TGFBI: variants seen among roughly 807,000 people sequenced by gnomAD.
The protein encoded by TGFBI is transforming growth factor beta induced.
A neutral mutation model predicts 73.7 loss-of-function variants in TGFBI; 50 were observed. The ratio of observed to expected loss-of-function variants is 0.68; its 90% CI spans 0.54 to 0.86. The LOEUF is 0.86. Ranked by LOEUF, TGFBI falls within the 40% of genes least tolerant of loss-of-function variation. TGFBI has a pLI of 0.00. For missense variants in TGFBI, 839 were observed against 877.0 expected (o/e 0.96, Z 0.55); for synonymous variants, 362 against 360.5 (o/e 1.00, Z -0.05).
chr5:136,049,879 T>C, intron 7 of TGFBI: 1 of 321,536 alleles, frequency 3.1e-6, no homozygotes. Context: ...AGTGAAAGGC[T>C]GGAATAGCCA....
chr5:136,061,203 G>A (rs1033432439), intron 14 of TGFBI: 46 of 574,086 alleles, frequency 8.0e-5, no homozygotes, highest in South Asian at 7.0e-4. Context: ...CTGTATTCGC[G>A]TGGATGCTGT....
intron 7 of TGFBI, among the ~76,000 whole-genome samples, chr5:136,051,258 C>T (rs1031017062): frequency 1.3e-5 from 2 of 151,906 alleles, no homozygotes; most frequent in South Asian, 2.1e-4. Flanking sequence ...GGTAAAACCC[C>T]GTCTCTACTA....
intron 13 of TGFBI, among the ~76,000 whole-genome samples, chr5:136,060,141 C>G (rs534990347): frequency 2.0e-4 from 29 of 148,096 alleles, no homozygotes; most frequent in Non-Finnish European, 3.6e-4. Flanking sequence ...CCATTTCCAG[C>G]TGTTCCACCT....
chr5:136,029,288 G>A (rs1751065529), intron 1 of TGFBI, 99 bp downstream of exon 1: 2 of 1,298,290 alleles, frequency 1.5e-6, no homozygotes, highest in South Asian at 1.8e-5. Flanking sequence ...GGGCGCAGGG[G>A]ACAAAGCCCG....
In TGFBI at chr5:136,046,510, G is replaced by T. The variant is rs369126704; in HGVS notation, c.459+15G>T. 49 of 1,591,958 alleles carry T rather than the reference G, an allele frequency of 3.1e-5. No homozygotes were observed. The African/African-American group carries it at 6.2e-4, about 20-fold the overall frequency. ...CCTTGCCAGCTGTGAGATGACCTCC[G>T]TCTGCCCGGGGGACTCTTATGGGGA... On this transcript the variant is annotated intron_variant, in intron 4 of 16. Transcript: ENST00000442011.
intron 1 of TGFBI, among the ~76,000 whole-genome samples, chr5:136,032,440 GT>G (rs1291384657): frequency 6.6e-6 from 1 of 152,204 alleles, no homozygotes; most frequent in African/African-American, 2.4e-5. Context: ...TTTGAGAATT[GT>G]TCAAGTTCCT....
chr5:136,029,639 C>T (rs1311759836), intron 1 of TGFBI, among the ~76,000 whole-genome samples: 1 of 152,234 alleles, frequency 6.6e-6, no homozygotes, highest in East Asian at 1.9e-4. Context: ...GGGCCACACA[C>T]GGTGGCAGCA....
Position 136,059,163 on chromosome 5 carries a change from G to T in TGFBI, c.1752G>T (p.Gly584=). The T allele has an allele frequency of 6.2e-7, 1 of 1,610,906 alleles. No homozygotes were observed. Among genetic ancestry groups the T allele is most frequent in the Non-Finnish European group, 8.5e-7 (1 of 1,178,956 alleles). ...AAATCCTGGTTAGCGGAGGCATCGG[G>T]GCCCTGGTGCGGCTAAAGTCTCTCC... ...GDEILVSGGI[G]ALVRLKSLQG... The change falls in exon 13 of 17, where the codon GGG becomes GGT. Residue 584 remains glycine (G), a synonymous_variant. Coordinates refer to ENST00000442011, the MANE Select transcript of TGFBI (RefSeq NM_000358.3).
chr5:136,048,947 G>A (rs1751484359), intron 6 of TGFBI: 1 of 152,732 alleles, frequency 6.5e-6, no homozygotes, highest in Non-Finnish European at 1.5e-5. Flanking sequence ...TAGAGAATGG[G>A]TGGTGTGATC....
chr5:136,055,839 G>T, intron 11 of TGFBI, 23 bp downstream of exon 11: 1 of 1,583,930 alleles, frequency 6.3e-7, no homozygotes, highest in Non-Finnish European at 8.6e-7. Context: ...ATCCCCGGGT[G>T]GAGCTTCTGC....
intron 3 of TGFBI, among the ~76,000 whole-genome samples, chr5:136,045,403 G>T (rs1045644453): frequency 2.0e-5 from 3 of 152,136 alleles, no homozygotes; most frequent in African/African-American, 7.2e-5. Flanking sequence ...AAATTAGCTG[G>T]GTGTGGTGGT....
chr5:136,055,962 G>T, intron 11 of TGFBI, 146 bp downstream of exon 11: 1 of 866,744 alleles, frequency 1.2e-6, no homozygotes, highest in Non-Finnish European at 1.6e-6. Context: ...CCAGACTTGG[G>T]ATGGGGAAAA....
Position 136,054,016 on chromosome 5 carries a change from C to T in TGFBI, c.1200C>T (p.Leu400=), listed in dbSNP as rs538237584. 46 of 1,613,926 alleles carry T rather than the reference C, an allele frequency of 2.9e-5. No homozygotes were observed. The Middle Eastern group carries it at 4.9e-4, about 17-fold the overall frequency. ...TAIDLFRQAG[L]GNHLSGSERL... is the part of the protein sequence containing the mutation. ...TTGACCTTTTCAGACAAGCCGGCCT[C>T]GGCAATCATCTCTCTGGAAGTGAGC... Residue 400 remains leucine, a synonymous_variant, in exon 9 of 17, where the codon CTC becomes CTT. Coordinates refer to ENST00000442011, the MANE Select transcript of TGFBI (RefSeq NM_000358.3).
intron 1 of TGFBI, among the ~76,000 whole-genome samples, chr5:136,033,492 A>C (rs1751158739): frequency 6.6e-6 from 1 of 152,216 alleles, no homozygotes; most frequent in Non-Finnish European, 1.5e-5. Context: ...TCAATTGCCC[A>C]TGTCAAAGAA....
At chr5:136,055,520 TG>T in intron 10 of TGFBI, 159 bp from the exon 11 acceptor site, 1 of 615,292 alleles carries the variant, frequency 1.6e-6, no homozygotes, top group Non-Finnish European at 2.4e-6. Context: ...TTTTATTTCC[TG>T]GAGAAAATAC....
intron 2 of TGFBI, among the ~76,000 whole-genome samples, chr5:136,043,281 C>A (rs1259424375): frequency 6.6e-6 from 1 of 152,164 alleles, no homozygotes; most frequent in East Asian, 1.9e-4. Context: ...TTTTAGCCGT[C>A]CCCAGAATAT....
At chr5:136,049,219 G>A in intron 6 of TGFBI, 1 of 531,044 alleles carries the variant, frequency 1.9e-6, no homozygotes, top group Non-Finnish European at 3.3e-6. Flanking sequence ...GGAAAGGCAG[G>A]TTAAGGACAT....
rs767561993 is a variant in TGFBI, at chr5:136,062,647, T to C, written c.1987-16T>C. The C allele has an allele frequency of 1.5e-5, 24 of 1,560,528 alleles. No individual in the cohort carries two copies. Among genetic ancestry groups the C allele is most frequent in the African/African-American group, 2.7e-5 (2 of 73,714 alleles). ...AACTTTCACTAGAAAACCTGACACCTTGTGTTTTCTTTCAGGCTTCCCAGA... is the reference window on the plus strand; with the variant it reads ...AACTTTCACTAGAAAACCTGACACCCTGTGTTTTCTTTCAGGCTTCCCAGA... On this transcript the variant is annotated splice_polypyrimidine_tract_variant and intron_variant, in intron 15 of 16. Transcript: ENST00000442011.
chr5:136,030,980 G>GT (rs1000989962), intron 1 of TGFBI, among the ~76,000 whole-genome samples: 2 of 152,142 alleles, frequency 1.3e-5, no homozygotes, highest in Admixed American at 6.5e-5. Flanking sequence ...GGAAAACAGG[G>GT]TTTTTTTCTT....
Sources: allele counts gnomAD v4.1 joint callset (sites outside exome capture counted in the v4.1 genomes callset), GRCh38; gene constraint gnomAD v4.1.1; transcripts MANE v1.5; gene names NCBI Gene and HGNC (gene_info 2026-07-23, HGNC 2026-07-21).